Variants in FAM168B observed in about 807,000 individuals in gnomAD.
FAM168B encodes myelin-associated neurite-outgrowth inhibitor.
A neutral mutation model predicts 21.8 loss-of-function variants in FAM168B; 19 were observed. The ratio of observed to expected loss-of-function variants is 0.87; its 90% CI spans 0.61 to 1.28. FAM168B has a LOEUF of 1.28. Among genes scored for constraint, FAM168B ranks in the 50% most tolerant of loss-of-function variants. The pLI, the probability that FAM168B is intolerant of heterozygous loss-of-function variation, is 0.00. For synonymous variants in FAM168B, 126 were observed against 104.8 expected (o/e 1.20, Z -1.24); for missense variants, 233 against 263.1 (o/e 0.89, Z 0.79).
rs1299031284 is a variant in FAM168B, at chr2:131,049,151, T to A, written c.*3314A>T. ...GGTATTAGTACGTCGCAAGTTGCTG[T>A]AATAATGTATTTCCTCTCGTTACTG... On this transcript the variant is annotated 3_prime_UTR_variant, in exon 7 of 7. Coordinates refer to ENST00000389915, the MANE Select transcript of FAM168B (RefSeq NM_001009993.4). 1.3e-5 allele frequency: 13 copies of A among 985,302 alleles called. No individual in the cohort carries two copies. The highest frequency in any genetic ancestry group is 1.3e-5 in the Non-Finnish European group (11 of 829,934). 61.0% of individuals were successfully genotyped at this position (985,302 alleles called of 1,614,324 possible).
rs368319216 is a variant in FAM168B, at chr2:131,089,933, G to A, written c.-12+3281C>T. ...TGTAGTCCCAGCTACTTGGGAGGCCGAGGCAGGAGAATCACTTGAACCCAG... is the reference window on the plus strand; with the variant it reads ...TGTAGTCCCAGCTACTTGGGAGGCCAAGGCAGGAGAATCACTTGAACCCAG... On this transcript the variant is annotated intron_variant, in intron 1 of 6. Coordinates refer to ENST00000389915, the MANE Select transcript of FAM168B (RefSeq NM_001009993.4). Among the ~76,000 whole-genome samples the A allele has an allele frequency of 5.7e-3, 868 of 151,920 alleles. 8 individuals carry two copies. Among genetic ancestry groups the A allele is most frequent in the African/African-American group, 0.02 (823 of 41,438 alleles).
intron 3 of FAM168B, among the ~76,000 whole-genome samples, chr2:131,065,821 A>G (rs1291843351): frequency 6.6e-6 from 1 of 151,550 alleles, no homozygotes. Context: ...AAAAAAAAAA[A>G]GAAAAGAAAG....
chr2:131,051,765 C>T lies in FAM168B; in HGVS notation c.*700G>A. 1.0e-6 allele frequency: 1 copy of T among 985,482 alleles called. No individual in the cohort carries two copies. Among genetic ancestry groups the T allele is most frequent in the Non-Finnish European group, 1.2e-6 (1 of 829,950 alleles). 61.0% of individuals were successfully genotyped at this position (985,482 alleles called of 1,614,324 possible). A position where few individuals can be genotyped will look rare whatever the true frequency, so the allele number is the denominator to read the frequency against. On this transcript the variant is annotated 3_prime_UTR_variant, in exon 7 of 7. Coordinates refer to ENST00000389915, the MANE Select transcript of FAM168B (RefSeq NM_001009993.4). ...ATAATCTTTCATGATGAGCTTTAAGCATGTCCCTGTTCCACTGACTCCACC... is the reference window on the plus strand; with the variant it reads ...ATAATCTTTCATGATGAGCTTTAAGTATGTCCCTGTTCCACTGACTCCACC...
intron 3 of FAM168B, among the ~76,000 whole-genome samples, chr2:131,059,092 T>C (rs1573758725): frequency 1.3e-5 from 2 of 151,948 alleles, no homozygotes; most frequent in South Asian, 4.1e-4. Flanking sequence ...TAGTGAATGG[T>C]GACTGGGGCA....
At chr2:131,087,411 G>A (rs996410771) in intron 1 of FAM168B, among the ~76,000 whole-genome samples, 7 of 152,146 alleles carry the variant, frequency 4.6e-5, no homozygotes, top group Non-Finnish European at 1.0e-4. Flanking sequence ...GGCAGAGGTT[G>A]CAGTGAGCTG....
chr2:131,088,990 A>G (rs750617982), intron 1 of FAM168B, among the ~76,000 whole-genome samples: 1 of 146,574 alleles, frequency 6.8e-6, no homozygotes, highest in African/African-American at 2.6e-5. Flanking sequence ...TTTGAGACAG[A>G]GTTTTCACTT....
At chr2:131,069,001 G>A (rs1692718640) in intron 3 of FAM168B, among the ~76,000 whole-genome samples, 1 of 152,196 alleles carries the variant, frequency 6.6e-6, no homozygotes, top group South Asian at 2.1e-4. Flanking sequence ...GGGCGACAGA[G>A]CAAGACCCTG....
intron 5 of FAM168B, among the ~76,000 whole-genome samples, chr2:131,053,303 T>G (rs1209965775): frequency 6.6e-6 from 1 of 152,176 alleles, no homozygotes; most frequent in Non-Finnish European, 1.5e-5. Context: ...ATGAGTATGC[T>G]TCAGCCTTAA....
At chr2:131,085,220 T>C (rs918717786) in intron 1 of FAM168B, among the ~76,000 whole-genome samples, 1 of 152,112 alleles carries the variant, frequency 6.6e-6, no homozygotes, top group Non-Finnish European at 1.5e-5. Flanking sequence ...CCCAGCACTG[T>C]GGGAGGATCG....
Position 131,055,302 on chromosome 2 carries a change from C to A in FAM168B, c.445G>T (p.Val149Leu), listed in dbSNP as rs1238766564. ...PRGNGVTMGMVAGTTMAMSAG... is the reference protein window; with the variant it reads ...PRGNGVTMGMLAGTTMAMSAG... ...GACATGGCCATGGTGGTCCCAGCCA[C>A]CATGCCCATGGTGACCCCGTTGCCT... The change falls in exon 5 of 7, where the codon GTG becomes TTG. Residue 149 changes from valine to leucine, a missense_variant. Transcript: ENST00000389915. 3 of 1,582,702 alleles carry A rather than the reference C, an allele frequency of 1.9e-6. No homozygotes were observed. The African/African-American group carries it at 4.1e-5, about 22-fold the overall frequency.
intron 1 of FAM168B, among the ~76,000 whole-genome samples, chr2:131,090,679 G>A (rs1184959719): frequency 2.0e-5 from 3 of 152,100 alleles, no homozygotes; most frequent in East Asian, 3.9e-4. Flanking sequence ...CAGCCTGGGC[G>A]ATATAGTGAG....
chr2:131,090,675 G>A (rs887067246), intron 1 of FAM168B, among the ~76,000 whole-genome samples: 1 of 152,120 alleles, frequency 6.6e-6, no homozygotes, highest in Non-Finnish European at 1.5e-5. Flanking sequence ...AGATCAGCCT[G>A]GGCGATATAG....
chr2:131,091,427 C>A (rs1410778001), intron 1 of FAM168B, among the ~76,000 whole-genome samples: 3 of 151,916 alleles, frequency 2.0e-5, no homozygotes, highest in Non-Finnish European at 4.4e-5. Context: ...AGGTGGACCA[C>A]CTGAGGTCAG....
At chr2:131,090,650 G>A (rs544812560) in intron 1 of FAM168B, among the ~76,000 whole-genome samples, 2 of 152,028 alleles carry the variant, frequency 1.3e-5, no homozygotes, top group East Asian at 3.9e-4. Flanking sequence ...AGGACTGCTT[G>A]AGCCCAGAAG....
At chr2:131,074,308 T>TA (rs1198292986) in intron 2 of FAM168B, among the ~76,000 whole-genome samples, 1 of 152,180 alleles carries the variant, frequency 6.6e-6, no homozygotes, top group African/African-American at 2.4e-5. Flanking sequence ...TTTGTATTTT[T>TA]AGTAGAGACG....
intron 3 of FAM168B, among the ~76,000 whole-genome samples, chr2:131,069,533 G>C (rs1207343064): frequency 6.6e-6 from 1 of 151,314 alleles, no homozygotes; most frequent in African/African-American, 2.4e-5. Context: ...CTGCTCTGTC[G>C]CTCAGGCTGG....
intron 2 of FAM168B, among the ~76,000 whole-genome samples, chr2:131,079,724 C>CA (rs1053598493): frequency 6.6e-5 from 10 of 151,012 alleles, no homozygotes; most frequent in East Asian, 5.8e-4. Context: ...ATAGCAGCCA[C>CA]AAAAAAAACA....
intron 2 of FAM168B, among the ~76,000 whole-genome samples, chr2:131,080,060 T>G (rs992609251): frequency 1.3e-5 from 2 of 150,630 alleles, no homozygotes; most frequent in African/African-American, 2.4e-5. Context: ...GAGGTTGCAG[T>G]GAGCCAAGAT....
At position 131,052,376 on chromosome 2, in the gene FAM168B, C is replaced by A. The variant is rs1691731743; in HGVS notation, c.*89G>T. On this transcript the variant is annotated 3_prime_UTR_variant, in exon 7 of 7. Coordinates refer to ENST00000389915, the MANE Select transcript of FAM168B (RefSeq NM_001009993.4). The stretch of plus-strand genomic sequence containing the variant: ...GTGTCGAGAGCATTAAGAAGAAAGT[C>A]CTGGTTGGAGGCGCAAGGCCTGCAG... 1.0e-6 allele frequency: 1 copy of A among 986,646 alleles called. No homozygotes were observed. The highest frequency in any genetic ancestry group is 1.2e-6 in the Non-Finnish European group (1 of 830,454). The allele number at this position is 986,646 out of a possible 1,614,324, so 61.1% of individuals were successfully genotyped here.
Sources: gnomAD v4.1 joint callset for allele counts (sites outside exome capture counted in the v4.1 genomes callset) on GRCh38, gnomAD v4.1.1 for gene constraint, MANE v1.5 for transcripts, NCBI Gene and HGNC (gene_info 2026-07-23, HGNC 2026-07-21) for gene names.